Variants in EIF4G3 observed in about 807,000 individuals in gnomAD.
EIF4G3 encodes the protein eIF-4-gamma 3.
In EIF4G3, 34 loss-of-function variants were observed where a neutral mutation model predicts 186.4. That is an observed-to-expected ratio of 0.18 (90% CI 0.14 to 0.24). EIF4G3 has a LOEUF of 0.24. Ranked by LOEUF, EIF4G3 falls within the 10% of genes least tolerant of loss-of-function variation. The pLI is 1.00. For synonymous variants in EIF4G3, 673 were observed against 679.5 expected, an observed-to-expected ratio of 0.99 and a Z score of 0.15; for missense variants, 1,536 against 1,948.5, an observed-to-expected ratio of 0.79 and a Z score of 3.99.
At chr1:20,970,649 C>T (rs2075683100) in intron 11 of EIF4G3, among the ~76,000 whole-genome samples, 1 of 150,278 alleles carries the variant, frequency 6.7e-6, no homozygotes, top group Admixed American at 6.7e-5. Flanking sequence ...CAATTAAATA[C>T]TTAACAGCCA....
intron 2 of EIF4G3, among the ~76,000 whole-genome samples, chr1:21,093,175 G>T (rs1367003618): frequency 6.6e-6 from 1 of 152,110 alleles, no homozygotes; most frequent in East Asian, 1.9e-4. Flanking sequence ...CCTACAGAAT[G>T]GAAGAAAAAT....
At position 20,998,856 on chromosome 1, in the gene EIF4G3, T is replaced by A. The variant is rs778094783; in HGVS notation, c.145-1223A>T. On this transcript the variant is annotated intron_variant, in intron 6 of 36. Transcript: ENST00000602326. ...CCATATACAGGGTTTTTATCTAATA[T>A]ATTTAAGGAGCAAAAATATATGTCT... The A allele has an allele frequency of 7.0e-6, 3 of 430,464 alleles. No individual in the cohort carries two copies. The Admixed American group carries it at 7.7e-5, about 11-fold the overall frequency. 26.7% of individuals were successfully genotyped at this position (430,464 alleles called of 1,614,324 possible). A position where few individuals can be genotyped will look rare whatever the true frequency, so the allele number is the denominator to read the frequency against.
chr1:20,821,700 T>TCTTCCCTATTATGTATA (rs1196685276), intron 33 of EIF4G3, among the ~76,000 whole-genome samples: 1 of 151,460 alleles, frequency 6.6e-6, no homozygotes, highest in African/African-American at 2.4e-5. Context: ...TACTTCACCA[T>TCTTCCCTATTATGTATA]CTTCCCTATT....
chr1:20,829,196 C>A lies in EIF4G3; in HGVS notation c.4138G>T (p.Val1380Leu). The change falls in exon 31 of 37, where the codon GTG becomes TTG. Residue 1380 changes from valine (V) to leucine (L), a missense_variant. Physicochemically the swap from Val to Leu is conservative, Grantham distance 32. This residue lies in a region of EIF4G3 where 395 missense variants were observed against 498.9 expected (regional missense o/e 0.79). Transcript: ENST00000602326. ...CCACCTTCTTTTAACATGGGGGTCA[C>A]CAGTTCAGCAAGGTACAACCAAATA... The part of the protein sequence containing the change: ...PHIWLYLAEL[V>L]TPMLKEGGIS... 1 of 1,613,924 alleles carries A rather than the reference C, an allele frequency of 6.2e-7. No homozygotes were observed. The highest frequency in any genetic ancestry group is 8.5e-7 in the Non-Finnish European group (1 of 1,179,924).
At chr1:20,977,312 G>A (rs889661763) in intron 10 of EIF4G3, among the ~76,000 whole-genome samples, 5 of 151,700 alleles carry the variant, frequency 3.3e-5, no homozygotes, top group Non-Finnish European at 5.9e-5. Context: ...TCAGCCTCCC[G>A]AGTAGCTGGG....
At chr1:21,098,557 AAAAAAAG>A (rs1471545753) in intron 2 of EIF4G3, among the ~76,000 whole-genome samples, 2,323 of 146,310 alleles carry the variant, frequency 0.016, 35 homozygotes, top group East Asian at 0.083. Flanking sequence ...AAAAAAAAAA[AAAAAAAG>A]AAGAAGAAGA....
intron 20 of EIF4G3, among the ~76,000 whole-genome samples, chr1:20,866,683 A>C (rs1557991848): frequency 6.6e-6 from 1 of 152,210 alleles, no homozygotes; most frequent in Non-Finnish European, 1.5e-5. Context: ...ATACACAATA[A>C]TGGACTAAGA....
intron 3 of EIF4G3, among the ~76,000 whole-genome samples, chr1:21,053,771 A>G (rs12736943): frequency 7.7e-5 from 10 of 129,752 alleles, no homozygotes; most frequent in South Asian, 2.6e-4. Context: ...GGTGAGGGGC[A>G]CCTCTGCCCG....
intron 2 of EIF4G3, chr1:21,111,612 A>G (rs182952445): frequency 7.4e-6 from 2 of 268,808 alleles, no homozygotes; most frequent in Non-Finnish European, 1.5e-5. Context: ...TATTATTACA[A>G]GGAAAAGTAG....
At chr1:20,984,882 C>G (rs1052310729) in intron 7 of EIF4G3, among the ~76,000 whole-genome samples, 21 of 152,144 alleles carry the variant, frequency 1.4e-4, no homozygotes, top group African/African-American at 5.1e-4. Context: ...GCCACCGTGC[C>G]CAGTCAACAT....
chr1:20,853,473 A>G (rs1318544314), intron 27 of EIF4G3, 87 bp downstream of exon 27: 7 of 776,152 alleles, frequency 9.0e-6, no homozygotes, highest in African/African-American at 3.5e-5. Flanking sequence ...ATCCATAAGG[A>G]TTGCTATCAA....
chr1:20,812,250 C>T (rs2154543790), intron 35 of EIF4G3, among the ~76,000 whole-genome samples: 1 of 152,262 alleles, frequency 6.6e-6, no homozygotes, highest in Admixed American at 6.5e-5. Flanking sequence ...ACAGTGACCC[C>T]CACCATCTCA....
intron 12 of EIF4G3, among the ~76,000 whole-genome samples, chr1:20,951,809 G>A (rs573175115): frequency 1.1e-4 from 17 of 152,132 alleles, no homozygotes; most frequent in African/African-American, 4.1e-4. Flanking sequence ...CAAAGAAAAA[G>A]TAAGATGTTT....
At chr1:20,858,786 G>A (rs2075671129) in intron 24 of EIF4G3, among the ~76,000 whole-genome samples, 1 of 152,102 alleles carries the variant, frequency 6.6e-6, no homozygotes, top group Non-Finnish European at 1.5e-5. Context: ...CACAAGGTCA[G>A]GAGTTCAACA....
intron 4 of EIF4G3, among the ~76,000 whole-genome samples, chr1:21,013,302 TTAAAA>T (rs2087768311): frequency 6.6e-6 from 1 of 152,080 alleles, no homozygotes; most frequent in Non-Finnish European, 1.5e-5. Context: ...TTTTAAAATA[TTAAAA>T]TAAAGAACAA....
At position 20,864,720 on chromosome 1, in the gene EIF4G3, GT is replaced by G. The variant is rs1344836594; in HGVS notation, c.2770-9del. On this transcript the variant is annotated splice_polypyrimidine_tract_variant and intron_variant, in intron 21 of 36. Coordinates refer to ENST00000602326, the MANE Select transcript of EIF4G3 (RefSeq NM_001391906.1). The stretch of plus-strand genomic sequence containing the variant: ...CCTTGTCCTCTCCTCTGGCTGTTGT[GT>G]AAGGAGGAATAATAGCATCTTGATG... The G allele has an allele frequency of 1.9e-6, 3 of 1,604,840 alleles. No individual in the cohort carries two copies. In the African/African-American group the frequency reaches 4.0e-5, roughly 21 times the overall value.
chr1:20,969,332 T>A (rs988239354), intron 12 of EIF4G3, 142 bp downstream of exon 12: 1 of 879,828 alleles, frequency 1.1e-6, no homozygotes, highest in Non-Finnish European at 1.6e-6. Flanking sequence ...AAAACATGTC[T>A]GTTTAAATAC....
chr1:21,129,280 A>T lies in EIF4G3; in HGVS notation c.-271-40067T>A, dbSNP rs1178261970. Among the ~76,000 whole-genome samples, 3 of 151,584 alleles carry T rather than the reference A, an allele frequency of 2.0e-5. No individual in the cohort carries two copies. In the Admixed American group the frequency reaches 2.0e-4, roughly 10 times the overall value. On this transcript the variant is annotated intron_variant, in intron 2 of 36. Transcript: ENST00000602326. ...CGGTAAGCCTAGATTGCACCACTGC[A>T]CTCCAGCCTGGGCAACAAGAGCGAA...
At chr1:21,014,440 G>T (rs959296124) in intron 4 of EIF4G3, among the ~76,000 whole-genome samples, 1 of 152,086 alleles carries the variant, frequency 6.6e-6, no homozygotes, top group African/African-American at 2.4e-5. Flanking sequence ...CACAGTATCT[G>T]GTAGGCAATT....
Sources: gnomAD v4.1 joint callset for allele counts (sites outside exome capture counted in the v4.1 genomes callset) on GRCh38, gnomAD v4.1.1 for gene constraint, gnomAD v4.1.1 regional missense constraint, MANE v1.5 for transcripts, NCBI Gene and HGNC (gene_info 2026-07-23, HGNC 2026-07-21) for gene names.